The following TENM4 variants were observed in gnomAD, a reference collection of about 807,000 sequenced individuals.
TENM4 encodes teneurin transmembrane protein 4, also known as teneurin-4.
Under a neutral mutation model 243.3 loss-of-function variants are expected in TENM4, and 82 were observed. The observed-to-expected ratio is 0.34, with a 90% CI of 0.28 to 0.40. The LOEUF (loss-of-function observed/expected upper bound fraction) is 0.40, where lower values mean the gene tolerates loss of function less well. Among genes scored for constraint, TENM4 ranks in the 10% least tolerant of loss-of-function variants. TENM4 has a pLI of 1.00. For synonymous variants in TENM4, 1,412 were observed against 1,456.3 expected, an observed-to-expected ratio of 0.97 and a Z score of 0.69; for missense variants, 3,138 against 3,673.3, an observed-to-expected ratio of 0.85 and a Z score of 3.77.
chr11:79,262,349 C>T (rs1210395019), intron 2 of TENM4, among the ~76,000 whole-genome samples: 1 of 152,202 alleles, frequency 6.6e-6, no homozygotes, highest in Non-Finnish European at 1.5e-5. Flanking sequence ...CAGAGCCCAG[C>T]CATTGGTCTG....
intron 2 of TENM4, among the ~76,000 whole-genome samples, chr11:79,289,282 G>A (rs1856314442): frequency 6.6e-6 from 1 of 152,226 alleles, no homozygotes; most frequent in South Asian, 2.1e-4. Context: ...AGGGGAGTGG[G>A]AGAAAAGAAT....
Position 78,656,729 on chromosome 11 carries a change from C to G in TENM4, c.*1329G>C. The G allele has an allele frequency of 3.5e-6, 1 of 286,448 alleles. No homozygotes were observed. Among genetic ancestry groups the G allele is most frequent in the Non-Finnish European group, 6.4e-6 (1 of 155,646 alleles). 17.7% of individuals were successfully genotyped at this position (286,448 alleles called of 1,614,324 possible). A position where few individuals can be genotyped will look rare whatever the true frequency, so the allele number is the denominator to read the frequency against. On this transcript the variant is annotated 3_prime_UTR_variant, in exon 34 of 34. Transcript: ENST00000278550. ...GCCACACCACATCAGCTCTTCCCTC[C>G]TTTCTTCCTGTCACTAAAAAACACA...
At chr11:79,355,506 C>A (rs777233033) in intron 1 of TENM4, among the ~76,000 whole-genome samples, 1 of 108,168 alleles carries the variant, frequency 9.2e-6, no homozygotes, top group South Asian at 3.1e-4. Context: ...ACACTCCAGC[C>A]TGGGTGACAG....
At chr11:78,662,065 G>C (rs1357314383) in intron 32 of TENM4, among the ~76,000 whole-genome samples, 1 of 152,152 alleles carries the variant, frequency 6.6e-6, no homozygotes, top group African/African-American at 2.4e-5. Context: ...AGTAATTAGA[G>C]CTTCAGGGTC....
intron 2 of TENM4, among the ~76,000 whole-genome samples, chr11:79,226,218 C>A (rs184157487): frequency 6.6e-6 from 1 of 152,234 alleles, no homozygotes; most frequent in African/African-American, 2.4e-5. Flanking sequence ...GAAAGCCCAG[C>A]CAAATCCCTC....
chr11:79,431,711 C>T (rs759221640), intron 1 of TENM4, among the ~76,000 whole-genome samples: 7 of 152,172 alleles, frequency 4.6e-5, no homozygotes, highest in Non-Finnish European at 1.0e-4. Context: ...AGTCATACAT[C>T]ATTTAAATAG....
At chr11:78,761,629 C>A (rs573749055) in intron 18 of TENM4, among the ~76,000 whole-genome samples, 1 of 152,124 alleles carries the variant, frequency 6.6e-6, no homozygotes, top group Non-Finnish European at 1.5e-5. Flanking sequence ...GGTTGGGGTT[C>A]TAGGACTGCT....
intron 1 of TENM4, among the ~76,000 whole-genome samples, chr11:79,427,392 G>T (rs1044502929): frequency 6.6e-6 from 1 of 152,168 alleles, no homozygotes; most frequent in Non-Finnish European, 1.5e-5. Flanking sequence ...ATAAATAATG[G>T]TATATCCTTA....
At chr11:79,228,248 C>G (rs182714357) in intron 2 of TENM4, among the ~76,000 whole-genome samples, 96 of 152,330 alleles carry the variant, frequency 6.3e-4, no homozygotes, top group African/African-American at 2.3e-3. Context: ...CAGCTTCCCA[C>G]TGTCAGAACA....
intron 1 of TENM4, among the ~76,000 whole-genome samples, chr11:79,334,182 T>C (rs1857110032): frequency 1.3e-5 from 2 of 152,226 alleles, no homozygotes; most frequent in African/African-American, 2.4e-5. Context: ...TCCCAGCTGC[T>C]TTCCAGGTAA....
chr11:79,189,922 G>A (rs1452324101), intron 3 of TENM4, among the ~76,000 whole-genome samples: 1 of 152,144 alleles, frequency 6.6e-6, no homozygotes, highest in African/African-American at 2.4e-5. Flanking sequence ...CGCCACTGAC[G>A]GTTAGAAGAA....
At chr11:79,069,663 T>C (rs1160147962) in intron 5 of TENM4, 59 bp downstream of exon 5, 1 of 1,502,020 alleles carries the variant, frequency 6.7e-7, no homozygotes, top group African/African-American at 1.4e-5. Context: ...CCCGAGCCCA[T>C]GCCTACCTGA....
At chr11:78,857,060 A>G (rs933386368) in intron 10 of TENM4, among the ~76,000 whole-genome samples, 11 of 150,278 alleles carry the variant, frequency 7.3e-5, no homozygotes, top group African/African-American at 2.7e-4. Context: ...CTATTTAGTA[A>G]TTAAGCACAC....
At chr11:78,683,754 G>C (rs1331331164) in intron 29 of TENM4, among the ~76,000 whole-genome samples, 1 of 151,960 alleles carries the variant, frequency 6.6e-6, no homozygotes, top group Non-Finnish European at 1.5e-5. Flanking sequence ...CGCTCACGCT[G>C]GGAGCTGTAG....
intron 9 of TENM4, among the ~76,000 whole-genome samples, chr11:78,870,260 A>T (rs886597488): frequency 6.6e-6 from 1 of 152,144 alleles, no homozygotes; most frequent in African/African-American, 2.4e-5. Flanking sequence ...TGATTTCCCT[A>T]ATTCCTATAT....
rs1858677468 is a variant in TENM4, at chr11:79,012,760, C to T, written c.493+51978G>A. ...CCACAGGTATGCTCTTCCCTCCAGA[C>T]ACTGACCTGGGGCTGAAAGTGGCTG... On this transcript the variant is annotated intron_variant, in intron 6 of 33. Coordinates refer to ENST00000278550, the MANE Select transcript of TENM4 (RefSeq NM_001098816.3). Among the ~76,000 whole-genome samples the T allele has an allele frequency of 4.6e-5, 7 of 152,174 alleles. No homozygotes were observed. The South Asian group carries it at 1.2e-3, about 27-fold the overall frequency.
chr11:79,429,028 G>T (rs1216486849), intron 1 of TENM4, among the ~76,000 whole-genome samples: 1 of 152,138 alleles, frequency 6.6e-6, no homozygotes, highest in African/African-American at 2.4e-5. Context: ...AAGCACCTAG[G>T]TGATTCTAAT....
intron 2 of TENM4, among the ~76,000 whole-genome samples, chr11:79,279,334 C>T (rs952021539): frequency 1.3e-5 from 2 of 152,094 alleles, no homozygotes; most frequent in Non-Finnish European, 2.9e-5. Context: ...CTGAGAGTAG[C>T]AACAGGTAAG....
At chr11:79,316,516 T>A (rs1160922691) in intron 1 of TENM4, among the ~76,000 whole-genome samples, 1 of 152,238 alleles carries the variant, frequency 6.6e-6, no homozygotes. Context: ...TGAGTATTAC[T>A]GTCTGCAGAG....
Sources: allele counts gnomAD v4.1 joint callset (sites outside exome capture counted in the v4.1 genomes callset), GRCh38; gene constraint gnomAD v4.1.1; transcripts MANE v1.5; gene names NCBI Gene and HGNC (gene_info 2026-07-23, HGNC 2026-07-21).